Variants in CREB5 observed in about 807,000 individuals in gnomAD.
CREB5 encodes the protein cyclic AMP-responsive element-binding protein 5.
CREB5 carries 19 observed loss-of-function variants against 57.1 expected under a neutral mutation model. The observed-to-expected ratio is 0.33, with a 90% confidence interval of 0.23 to 0.49. The LOEUF is 0.49. Ranked by LOEUF, CREB5 falls within the 20% of genes least tolerant of loss-of-function variation. CREB5 has a pLI of 0.99. For synonymous variants in CREB5, 238 were observed against 238.3 expected, an observed-to-expected ratio of 1.00 and a Z score of 0.01; for missense variants, 579 against 671.6, an observed-to-expected ratio of 0.86 and a Z score of 1.52.
Position 28,718,822 on chromosome 7 carries a change from C to T in CREB5, c.534C>T (p.Ser178=), listed in dbSNP as rs1484228357. The T allele has an allele frequency of 3.1e-6, 5 of 1,614,028 alleles. No homozygotes were observed. Among genetic ancestry groups the T allele is most frequent in the Non-Finnish European group, 3.4e-6 (4 of 1,179,994 alleles). ...HNRQRQPMPA[S]MPGTLPNPTM... ...GACAGAGACAGCCCATGCCAGCCTC[C>T]ATGCCTGGGACCCTGCCCAACCCTA... The change falls in exon 6 of 11, where the codon TCC becomes TCT. Residue 178 remains serine (S), a synonymous_variant. Transcript: ENST00000357727.
intron 4 of CREB5, among the ~76,000 whole-genome samples, chr7:28,516,488 C>T (rs1010421590): frequency 5.3e-5 from 8 of 152,154 alleles, no homozygotes; most frequent in African/African-American, 1.9e-4. Context: ...CCCAAAACAG[C>T]CAAAACCACA....
rs79856464 is a variant in CREB5, at chr7:28,518,228, G to A, written c.291+10491G>A. Among the ~76,000 whole-genome samples the A allele has an allele frequency of 9.3e-3, 1,423 of 152,284 alleles. 46 individuals are homozygous for A. The East Asian group carries it at 0.12, about 13-fold the overall frequency. ...TTAATCATAGTGCTGACCGAATCCT[G>A]CCTGAGTTGGTGCTGGGCACAGCCT... On this transcript the variant is annotated intron_variant, in intron 4 of 10. Coordinates refer to ENST00000357727, the MANE Select transcript of CREB5 (RefSeq NM_182898.4).
intron 1 of CREB5, among the ~76,000 whole-genome samples, chr7:28,431,531 C>T (rs1788714381): frequency 6.6e-6 from 1 of 152,140 alleles, no homozygotes; most frequent in Admixed American, 6.5e-5. Flanking sequence ...GACATTTACA[C>T]TCTTTATTTA....
At chr7:28,535,790 T>C (rs1009331063) in intron 4 of CREB5, among the ~76,000 whole-genome samples, 1 of 152,174 alleles carries the variant, frequency 6.6e-6, no homozygotes, top group African/African-American at 2.4e-5. Flanking sequence ...AGGTTCTTTC[T>C]GCCCTCCTAG....
intron 8 of CREB5, among the ~76,000 whole-genome samples, chr7:28,804,728 ATATCAGGTC>A (rs1808608275): frequency 6.6e-6 from 1 of 152,176 alleles, no homozygotes. Context: ...ACACTAAAAA[ATATCAGGTC>A]TAGTCTCTAA....
At chr7:28,495,435 G>A (rs1051774597) in intron 3 of CREB5, among the ~76,000 whole-genome samples, 2 of 151,928 alleles carry the variant, frequency 1.3e-5, no homozygotes, top group Non-Finnish European at 2.9e-5. Flanking sequence ...CCAGCTACAC[G>A]GGAGGCTGAG....
chr7:28,411,794 A>G (rs573810070), upstream of CREB5, among the ~76,000 whole-genome samples: 1 of 152,344 alleles, frequency 6.6e-6, no homozygotes, highest in South Asian at 2.1e-4. Flanking sequence ...TAGGGTAGGC[A>G]TTTGTGAAAC....
chr7:28,338,933 A>G (rs902215655), intron 1 of CREB5, among the ~76,000 whole-genome samples: 5 of 151,730 alleles, frequency 3.3e-5, no homozygotes, highest in Non-Finnish European at 5.9e-5. Context: ...CAGTTTGTCA[A>G]TTGCATTTTT....
At chr7:28,453,239 AC>A (rs1319146909) in intron 1 of CREB5, among the ~76,000 whole-genome samples, 1 of 152,130 alleles carries the variant, frequency 6.6e-6, no homozygotes, top group Non-Finnish European at 1.5e-5. Context: ...GGAGTTTGAG[AC>A]AAGTCTGGGC....
rs1366208194 is a variant in CREB5 at position 28,823,265 on chromosome 7, A to T, written c.*3986A>T. ...CATCTAAGAAAATATATATGTATGT[A>T]TGTGTGTATACAGTGGAATTCAAAG... is the stretch of plus-strand genomic sequence containing the variant. On this transcript the variant is annotated 3_prime_UTR_variant, in exon 11 of 11. Coordinates refer to ENST00000357727, the MANE Select transcript of CREB5 (RefSeq NM_182898.4). The T allele has an allele frequency of 6.6e-6, 1 of 152,658 alleles. No homozygotes were observed. The highest frequency in any genetic ancestry group is 1.9e-4 in the East Asian group (1 of 5,202). 9.5% of individuals were successfully genotyped at this position (152,658 alleles called of 1,614,324 possible). A position where few individuals can be genotyped will look rare whatever the true frequency, so the allele number is the denominator to read the frequency against.
chr7:28,318,566 C>T (rs1785422904), intron 1 of CREB5, among the ~76,000 whole-genome samples: 1 of 152,184 alleles, frequency 6.6e-6, no homozygotes, highest in Admixed American at 6.5e-5. Flanking sequence ...CTCTATAGAG[C>T]CTCCCTTCTC....
chr7:28,461,318 A>G (rs1421272343), intron 1 of CREB5, among the ~76,000 whole-genome samples: 1 of 152,178 alleles, frequency 6.6e-6, no homozygotes, highest in Non-Finnish European at 1.5e-5. Context: ...TAGTGGGAGA[A>G]TTTACATATT....
intron 1 of CREB5, among the ~76,000 whole-genome samples, chr7:28,346,280 T>A (rs1786056030): frequency 6.6e-6 from 1 of 152,190 alleles, no homozygotes; most frequent in African/African-American, 2.4e-5. Flanking sequence ...GCTGAAGGTG[T>A]AAGATCAAGG....
chr7:28,669,828 C>T (rs1799959329), intron 5 of CREB5, among the ~76,000 whole-genome samples: 1 of 152,150 alleles, frequency 6.6e-6, no homozygotes, highest in African/African-American at 2.4e-5. Flanking sequence ...CTAGGATCTG[C>T]GTCGTCCTGT....
chr7:28,698,921 A>C (rs1169064788), intron 5 of CREB5, among the ~76,000 whole-genome samples: 3 of 152,176 alleles, frequency 2.0e-5, no homozygotes, highest in Non-Finnish European at 4.4e-5. Context: ...ATGCCCTCCA[A>C]TTATTTTTTA....
chr7:28,496,929 T>G (rs539548025), intron 3 of CREB5, among the ~76,000 whole-genome samples: 42 of 152,354 alleles, frequency 2.8e-4, no homozygotes, highest in Non-Finnish European at 5.7e-4. Flanking sequence ...TGGCCTATTC[T>G]TTTGTTTTGT....
At chr7:28,429,790 G>A (rs73090577) in intron 1 of CREB5, among the ~76,000 whole-genome samples, 1,537 of 152,274 alleles carry the variant, frequency 0.01, 15 homozygotes, top group Non-Finnish European at 0.017. Flanking sequence ...TTATTTTATA[G>A]TGACCTTTGA....
At chr7:28,798,776 T>G (rs1416988631) in intron 7 of CREB5, among the ~76,000 whole-genome samples, 1 of 152,244 alleles carries the variant, frequency 6.6e-6, no homozygotes, top group Non-Finnish European at 1.5e-5. Context: ...GAATCATTTT[T>G]CTTTCTTTCT....
At chr7:28,647,239 T>C (rs1798924282) in intron 5 of CREB5, among the ~76,000 whole-genome samples, 1 of 151,390 alleles carries the variant, frequency 6.6e-6, no homozygotes, top group Non-Finnish European at 1.5e-5. Flanking sequence ...CTGAACAGCA[T>C]CGCAAACATG....
Sources: allele counts gnomAD v4.1 joint callset (sites outside exome capture counted in the v4.1 genomes callset), GRCh38; gene constraint gnomAD v4.1.1; transcripts MANE v1.5; gene names NCBI Gene and HGNC (gene_info 2026-07-23, HGNC 2026-07-21).